RANBP2: variants seen among roughly 807,000 people sequenced by gnomAD.
RANBP2 encodes the protein E3 SUMO-protein ligase RanBP2.
Under a neutral mutation model 303.6 loss-of-function variants are expected in RANBP2, and 57 were observed. The ratio of observed to expected loss-of-function variants is 0.19; its 90% CI spans 0.15 to 0.23. RANBP2 has a LOEUF of 0.23. Ranked by LOEUF, RANBP2 falls within the 10% of genes least tolerant of loss-of-function variation. The pLI is 1.00. For synonymous variants in RANBP2, 1,167 were observed against 1,301.5 expected (o/e 0.90, Z 2.23); for missense variants, 3,138 against 3,780.8 (o/e 0.83, Z 4.46).
intron 3 of RANBP2, 25 bp from the exon 4 acceptor site, chr2:108,731,297 T>C (rs1334304320): frequency 1.2e-6 from 2 of 1,608,658 alleles, no homozygotes; most frequent in African/African-American, 2.7e-5. Context: ...TATTTACTAA[T>C]CTTTAATTTC....
At chr2:108,722,943 TC>T (rs1386172550) in intron 1 of RANBP2, among the ~76,000 whole-genome samples, 1 of 152,240 alleles carries the variant, frequency 6.6e-6, no homozygotes, top group African/African-American at 2.4e-5. Flanking sequence ...TTTTTCTTTT[TC>T]CAGATGGCTT....
At chr2:109,765,777 C>T in the RANBP2 span, among the ~76,000 whole-genome samples, 1 of 151,002 alleles carries the variant, frequency 6.6e-6, no homozygotes, top group Non-Finnish European at 1.5e-5. Flanking sequence ...GGATGCTGCC[C>T]AGTAGTGCCC....
chr2:109,362,790 TGGG>T, the RANBP2 span, among the ~76,000 whole-genome samples: 11 of 152,334 alleles, frequency 7.2e-5, no homozygotes, highest in Non-Finnish European at 1.5e-4. Flanking sequence ...TATGTCTTCT[TGGG>T]GAATTGACCC....
chr2:109,140,988 G>A, the RANBP2 span, among the ~76,000 whole-genome samples: 1 of 152,184 alleles, frequency 6.6e-6, no homozygotes, highest in East Asian at 1.9e-4. Context: ...CAACCCTAAA[G>A]CATCCTGACA....
At chr2:108,772,423 T>C in intron 21 of RANBP2, 66 bp from the exon 22 acceptor site, 2 of 1,241,650 alleles carry the variant, frequency 1.6e-6, no homozygotes, top group Non-Finnish European at 2.4e-6. Flanking sequence ...AAGTTGGAGG[T>C]AGTCCCTAAG....
At chr2:108,733,323 T>C (rs1479194890) in intron 4 of RANBP2, among the ~76,000 whole-genome samples, 1 of 138,698 alleles carries the variant, frequency 7.2e-6, no homozygotes. Context: ...TGGAGTGCAG[T>C]GGTGCTACCT....
At chr2:108,788,873 G>T (rs542186183), downstream of RANBP2, 185 of 1,613,816 alleles carry the variant, frequency 1.1e-4, 2 homozygotes, top group South Asian at 1.9e-3. Context: ...ATCTACTCTG[G>T]AGATAAAGTT....
At chr2:109,681,274 G>A in the RANBP2 span, among the ~76,000 whole-genome samples, 7 of 152,288 alleles carry the variant, frequency 4.6e-5, no homozygotes, top group East Asian at 3.9e-4. Context: ...CAGAAGGGGC[G>A]CTCGAGACTG....
the RANBP2 span, among the ~76,000 whole-genome samples, chr2:109,687,805 C>T: frequency 6.8e-6 from 1 of 147,648 alleles, no homozygotes; most frequent in African/African-American, 2.5e-5. Flanking sequence ...TGCAGTGGTG[C>T]GATCATGGCT....
At chr2:109,495,380 T>C in the RANBP2 span, among the ~76,000 whole-genome samples, 1 of 152,012 alleles carries the variant, frequency 6.6e-6, no homozygotes, top group Non-Finnish European at 1.5e-5. Flanking sequence ...TCCTGGCTCT[T>C]CTGCACCTTG....
chr2:109,443,227 C>T, the RANBP2 span, among the ~76,000 whole-genome samples: 3 of 152,218 alleles, frequency 2.0e-5, no homozygotes, highest in South Asian at 6.2e-4. Flanking sequence ...AAATGAGGTT[C>T]AGAAGGATTA....
the RANBP2 span, among the ~76,000 whole-genome samples, chr2:109,035,199 C>A: frequency 6.6e-6 from 1 of 152,214 alleles, no homozygotes; most frequent in African/African-American, 2.4e-5. Context: ...TCCCAACCTT[C>A]TCAAGTGTGA....
the RANBP2 span, chr2:109,614,633 G>C: frequency 6.8e-7 from 1 of 1,466,000 alleles, no homozygotes; most frequent in Admixed American, 2.4e-5. Context: ...AACCGGAGCA[G>C]CGCGCCCGCG....
the RANBP2 span, among the ~76,000 whole-genome samples, chr2:108,995,331 A>G: frequency 6.6e-6 from 1 of 152,180 alleles, no homozygotes. Context: ...AATGAAATTA[A>G]AAATCACACC....
chr2:108,948,232 A>C, the RANBP2 span, among the ~76,000 whole-genome samples: 1 of 152,190 alleles, frequency 6.6e-6, no homozygotes, highest in Non-Finnish European at 1.5e-5. Flanking sequence ...ATCTGAGACC[A>C]CCTAAGCCTG....
chr2:108,897,309 A>G, the RANBP2 span: 1 of 1,352,584 alleles, frequency 7.4e-7, no homozygotes, highest in East Asian at 2.5e-5. Context: ...ATTTAAATGA[A>G]ATAAAAATTA....
the RANBP2 span, among the ~76,000 whole-genome samples, chr2:109,233,625 A>G: frequency 1.3e-5 from 2 of 152,040 alleles, no homozygotes; most frequent in African/African-American, 2.4e-5. Flanking sequence ...CCGGGGAACC[A>G]CCCTCTTCTA....
At chr2:109,599,407 G>A in the RANBP2 span, among the ~76,000 whole-genome samples, 2 of 147,238 alleles carry the variant, frequency 1.4e-5, no homozygotes, top group East Asian at 2.0e-4. Flanking sequence ...GCAGTGAGCC[G>A]AGATTGTGCC....
chr2:109,607,771 A>G, the RANBP2 span, among the ~76,000 whole-genome samples: 2 of 152,158 alleles, frequency 1.3e-5, no homozygotes, highest in African/African-American at 4.8e-5. Flanking sequence ...GCCCTAAATC[A>G]AAACTACCTA....
Sources: allele counts gnomAD v4.1 joint callset (sites outside exome capture counted in the v4.1 genomes callset), GRCh38; gene constraint gnomAD v4.1.1; transcripts MANE v1.5; gene names NCBI Gene and HGNC (gene_info 2026-07-23, HGNC 2026-07-21).